The following GLIS3 variants were observed in gnomAD, a reference collection of about 807,000 sequenced individuals.
GLIS3 encodes GLIS family zinc finger 3, also known as zinc finger protein GLIS3.
A neutral mutation model predicts 78.6 loss-of-function variants in GLIS3; 53 were observed. The ratio of observed to expected loss-of-function variants is 0.67; its 90% CI spans 0.54 to 0.85. The LOEUF is 0.85. GLIS3 is among the 40% of genes least tolerant of loss of function. The pLI is 0.00. For missense variants in GLIS3, 1,703 were observed against 1,231.1 expected, an observed-to-expected ratio of 1.38 and a Z score of -5.74; for synonymous variants, 684 against 509.9, an observed-to-expected ratio of 1.34 and a Z score of -4.60.
At chr9:4,024,868 A>G (rs1206611420) in intron 4 of GLIS3, among the ~76,000 whole-genome samples, 1 of 152,112 alleles carries the variant, frequency 6.6e-6, no homozygotes, top group Non-Finnish European at 1.5e-5. Context: ...CATCTCCCCT[A>G]CAGTTCAGTA....
intron 4 of GLIS3, among the ~76,000 whole-genome samples, chr9:3,999,398 GT>G (rs1820971098): frequency 1.3e-5 from 2 of 151,968 alleles, no homozygotes; most frequent in Non-Finnish European, 2.9e-5. Context: ...CTGAATGCTT[GT>G]TTTTCCAGAT....
At chr9:4,160,998 C>A (rs1835425646) in intron 2 of GLIS3, among the ~76,000 whole-genome samples, 1 of 145,594 alleles carries the variant, frequency 6.9e-6, no homozygotes, top group Non-Finnish European at 1.5e-5. Context: ...AATCCCAGCA[C>A]TTAAGAAGGC....
chr9:3,905,300 A>G (rs548213377), intron 6 of GLIS3, among the ~76,000 whole-genome samples: 2 of 151,860 alleles, frequency 1.3e-5, no homozygotes, highest in South Asian at 4.2e-4. Flanking sequence ...TGACTCTTTG[A>G]TATTCTAGCC....
intron 4 of GLIS3, among the ~76,000 whole-genome samples, chr9:4,023,555 C>A (rs1334091865): frequency 6.6e-6 from 1 of 152,198 alleles, no homozygotes; most frequent in Non-Finnish European, 1.5e-5. Flanking sequence ...AAATCCTTTT[C>A]GTGTTAAGAG....
At chr9:4,229,255 T>C (rs1324386435) in intron 2 of GLIS3, among the ~76,000 whole-genome samples, 1 of 152,248 alleles carries the variant, frequency 6.6e-6, no homozygotes, top group Non-Finnish European at 1.5e-5. Context: ...GAAATCGCTT[T>C]CACTTTGTGC....
intron 4 of GLIS3, among the ~76,000 whole-genome samples, chr9:3,978,668 T>G (rs915590963): frequency 2.0e-5 from 3 of 152,028 alleles, no homozygotes; most frequent in African/African-American, 7.2e-5. Flanking sequence ...TACATGAACA[T>G]GTACTTTCTA....
chr9:4,109,138 G>GA (rs1009561661), intron 4 of GLIS3, among the ~76,000 whole-genome samples: 55 of 147,762 alleles, frequency 3.7e-4, no homozygotes, highest in African/African-American at 9.7e-4. Flanking sequence ...AGTCTGAGCA[G>GA]AAAAAAAAAA....
At chr9:4,416,827 T>C in the GLIS3 span, among the ~76,000 whole-genome samples, 2 of 149,270 alleles carry the variant, frequency 1.3e-5, no homozygotes, top group Admixed American at 1.3e-4. Flanking sequence ...TTTTTTTTTT[T>C]TTTTTTTTTA....
At chr9:4,317,551 A>T (rs1030143994) in intron 2 of GLIS3, among the ~76,000 whole-genome samples, 2 of 152,282 alleles carry the variant, frequency 1.3e-5, no homozygotes, top group Admixed American at 6.5e-5. Flanking sequence ...AAAAAATGCT[A>T]AAGTGAGTAT....
the GLIS3 span, among the ~76,000 whole-genome samples, chr9:4,408,068 A>T: frequency 1.3e-4 from 20 of 152,262 alleles, no homozygotes; most frequent in African/African-American, 4.6e-4. Flanking sequence ...ACAAGGAGAT[A>T]TCGTATGACC....
intron 2 of GLIS3, among the ~76,000 whole-genome samples, chr9:4,282,453 G>A (rs556315832): frequency 5.3e-5 from 8 of 152,232 alleles, no homozygotes; most frequent in South Asian, 2.1e-4. Flanking sequence ...GTTGACCCTC[G>A]CCCCCGACAA....
chr9:3,923,346 C>T (rs1409208323), intron 6 of GLIS3, among the ~76,000 whole-genome samples: 2 of 152,176 alleles, frequency 1.3e-5, no homozygotes, highest in East Asian at 3.8e-4. Flanking sequence ...ATAAATGACA[C>T]TGCAAGCCTC....
chr9:4,477,532 G>A, the GLIS3 span, among the ~76,000 whole-genome samples: 1 of 151,918 alleles, frequency 6.6e-6, no homozygotes, highest in Non-Finnish European at 1.5e-5. Context: ...CTCCCCCCTC[G>A]GTCTCTGGAG....
intron 9 of GLIS3, among the ~76,000 whole-genome samples, chr9:3,838,145 A>AG (rs1439192887): frequency 6.6e-6 from 1 of 152,198 alleles, no homozygotes; most frequent in Admixed American, 6.5e-5. Context: ...TATTCCATGA[A>AG]GGCAGACACC....
intron 5 of GLIS3, among the ~76,000 whole-genome samples, chr9:3,935,571 C>G (rs1010016845): frequency 6.6e-6 from 1 of 152,168 alleles, no homozygotes; most frequent in African/African-American, 2.4e-5. Flanking sequence ...CTACAGATAA[C>G]TAGCTGGAGT....
chr9:4,026,743 C>A (rs625351), intron 4 of GLIS3, among the ~76,000 whole-genome samples: 46 of 152,354 alleles, frequency 3.0e-4, no homozygotes, highest in African/African-American at 7.9e-4. Context: ...TAAAGCACTT[C>A]TACCAATATC....
chr9:4,318,555 T>G (rs1311958183), intron 2 of GLIS3, among the ~76,000 whole-genome samples: 4 of 152,148 alleles, frequency 2.6e-5, no homozygotes, highest in African/African-American at 9.7e-5. Flanking sequence ...ATGGGCAATT[T>G]TAGCTTCAAA....
chr9:4,325,695 T>A (rs1008815011), intron 2 of GLIS3, among the ~76,000 whole-genome samples: 2 of 152,244 alleles, frequency 1.3e-5, no homozygotes, highest in African/African-American at 4.8e-5. Flanking sequence ...ACTCTCTTTT[T>A]TTTGAGATAA....
At chr9:4,253,298 G>C (rs763756891) in intron 2 of GLIS3, among the ~76,000 whole-genome samples, 7 of 152,246 alleles carry the variant, frequency 4.6e-5, no homozygotes, top group Non-Finnish European at 8.8e-5. Context: ...CCTTTCTTTA[G>C]AGATACCCAG....
Sources: allele counts gnomAD v4.1 joint callset (sites outside exome capture counted in the v4.1 genomes callset), GRCh38; gene constraint gnomAD v4.1.1; transcripts MANE v1.5; gene names NCBI Gene and HGNC (gene_info 2026-07-23, HGNC 2026-07-21).